Variants in ALDH7A1 observed in about 807,000 individuals in gnomAD.
ALDH7A1 encodes alpha-aminoadipic semialdehyde dehydrogenase.
In ALDH7A1, 63 loss-of-function variants were observed where a neutral mutation model predicts 79.9. That is an observed-to-expected ratio of 0.79 (90% CI 0.64 to 0.97). ALDH7A1 has a LOEUF of 0.97. ALDH7A1 is among the 50% of genes least tolerant of loss of function. The probability of loss-of-function intolerance (pLI) is 0.00; values close to 1 mark genes in which losing one functional copy is unlikely to be tolerated. For synonymous variants in ALDH7A1, 240 were observed against 231.2 expected (o/e 1.04, Z -0.34); for missense variants, 627 against 665.2 (o/e 0.94, Z 0.63).
At chr5:126,594,727 T>G (rs936422278) in intron 1 of ALDH7A1, among the ~76,000 whole-genome samples, 1 of 152,000 alleles carries the variant, frequency 6.6e-6, no homozygotes, top group Non-Finnish European at 1.5e-5. Flanking sequence ...ATTACAGGGG[T>G]GAGCCACCGC....
intron 7 of ALDH7A1, among the ~76,000 whole-genome samples, chr5:126,575,208 T>C (rs547417626): frequency 5.3e-5 from 8 of 152,324 alleles, no homozygotes; most frequent in African/African-American, 1.9e-4. Context: ...TCAATCAATA[T>C]GTCAATATCT....
chr5:126,560,770 G>C (rs1183615153), intron 10 of ALDH7A1, among the ~76,000 whole-genome samples: 1 of 152,058 alleles, frequency 6.6e-6, no homozygotes, highest in Admixed American at 6.6e-5. Flanking sequence ...GAGAAATGTG[G>C]CCAGTTTTCA....
At chr5:126,563,690 C>T (rs1750476350) in intron 9 of ALDH7A1, among the ~76,000 whole-genome samples, 1 of 152,158 alleles carries the variant, frequency 6.6e-6, no homozygotes, top group Non-Finnish European at 1.5e-5. Context: ...GGGGTTTTGC[C>T]ATATTGGCCA....
At chr5:126,562,503 A>C (rs1480121399) in intron 9 of ALDH7A1, 1 of 151,312 alleles carries the variant, frequency 6.6e-6, no homozygotes, top group Non-Finnish European at 1.5e-5. Context: ...GAGCCACCAC[A>C]CCTGGCTTAT....
chr5:126,555,951 C>A lies in ALDH7A1; in HGVS notation c.1073G>T (p.Arg358Leu), dbSNP rs144671885. The A allele has an allele frequency of 9.3e-6, 15 of 1,613,150 alleles. No homozygotes were observed. The African/African-American group carries it at 1.6e-4, about 17-fold the overall frequency. ...CTCACGGTCCCATGGGTTCCCAACTCGGATCTGTGCATAGGCCTTTTTAAG... is the reference window on the plus strand; with the variant it reads ...CTCACGGTCCCATGGGTTCCCAACTAGGATCTGTGCATAGGCCTTTTTAAG... ...NRLKKAYAQI[R>L]VGNPWDPNVL... The change falls in exon 12 of 18, where the codon CGA (arginine) becomes CTA (leucine). Residue 358 changes from arginine to leucine, a missense_variant. Physicochemically the swap from Arg to Leu is moderately radical, Grantham distance 102 (BLOSUM62 -2). Coordinates refer to ENST00000409134, the MANE Select transcript of ALDH7A1 (RefSeq NM_001182.5).
intron 9 of ALDH7A1, chr5:126,562,186 GC>G (rs1214381082): frequency 6.9e-6 from 1 of 144,596 alleles, no homozygotes; most frequent in Non-Finnish European, 1.5e-5. Context: ...ATATCATGCA[GC>G]CTTTTTTTAT....
At chr5:126,545,154 T>A (rs1220502403) in intron 17 of ALDH7A1, 135 bp from the exon 18 acceptor site, 7 of 690,778 alleles carry the variant, frequency 1.0e-5, no homozygotes, top group Non-Finnish European at 1.8e-5. Context: ...AAGACAAACC[T>A]TTAAGATAAA....
intron 10 of ALDH7A1, among the ~76,000 whole-genome samples, chr5:126,560,628 T>C (rs1160314540): frequency 6.9e-6 from 1 of 144,270 alleles, no homozygotes; most frequent in Admixed American, 6.9e-5. Context: ...TATAGGTAAG[T>C]GATTTTTTTA....
chr5:126,561,407 C>A (rs1383643210), intron 9 of ALDH7A1: 5 of 234,330 alleles, frequency 2.1e-5, no homozygotes, highest in Non-Finnish European at 3.3e-5. Context: ...TTAGGAAACA[C>A]ACCAAAATAT....
chr5:126,577,373 A>G (rs1486879132), intron 5 of ALDH7A1, among the ~76,000 whole-genome samples, 162 bp from the exon 6 acceptor site: 1 of 152,224 alleles, frequency 6.6e-6, no homozygotes, highest in African/African-American at 2.4e-5. Context: ...AATGTACAAC[A>G]AAAGTGGTTA....
rs761295869 is a variant in ALDH7A1 at position 126,559,261 on chromosome 5, C to A, written c.987G>T (p.Arg329Ser). The change falls in exon 11 of 18, where the codon AGG (arginine) becomes AGT (serine). Residue 329 changes from arginine to serine, a missense_variant. Transcript: ENST00000409134. ...LFAAVGTAGQ[R>S]CTTARRLFIH... ...TCACCAGTCGCCTCGCAGTGGTACA[C>A]CTCTGGCCAGCTGTTCCCACAGCAG... is the stretch of plus-strand genomic sequence containing the variant. 5 of 1,613,978 alleles carry A rather than the reference C, an allele frequency of 3.1e-6. No homozygotes were observed. Among genetic ancestry groups the A allele is most frequent in the Non-Finnish European group, 4.2e-6 (5 of 1,179,872 alleles).
intron 1 of ALDH7A1, 74 bp from the exon 2 acceptor site, chr5:126,593,478 G>T (rs1164427662): frequency 4.4e-6 from 7 of 1,595,648 alleles, no homozygotes; most frequent in Non-Finnish European, 6.0e-6. Flanking sequence ...ACCAAACGGG[G>T]AAGAAAAACA....
chr5:126,567,481 T>C (rs1372464009), intron 9 of ALDH7A1, among the ~76,000 whole-genome samples: 1 of 151,774 alleles, frequency 6.6e-6, no homozygotes, highest in Non-Finnish European at 1.5e-5. Flanking sequence ...TTCATAACTT[T>C]TTTTTTTTTT....
chr5:126,585,332 T>C (rs913294940), intron 3 of ALDH7A1, among the ~76,000 whole-genome samples: 1 of 151,912 alleles, frequency 6.6e-6, no homozygotes, highest in Non-Finnish European at 1.5e-5. Context: ...AAAAGGAACA[T>C]TCCCCTCCAT....
intron 5 of ALDH7A1, among the ~76,000 whole-genome samples, chr5:126,578,339 A>G (rs776970213): frequency 9.9e-5 from 15 of 152,010 alleles, no homozygotes; most frequent in Non-Finnish European, 1.5e-4. Flanking sequence ...TACATTCACT[A>G]TAAGAAACTA....
rs140733452 is a variant in ALDH7A1 at position 126,576,033 on chromosome 5, G to A, written c.651-569C>T. ...TCCCAGCACTCTGGGGGGCCGAGAC[G>A]GGCGGATCACGAGGTCATGAGATTG... On this transcript the variant is annotated intron_variant, in intron 6 of 17. Transcript: ENST00000409134. Among the ~76,000 whole-genome samples the A allele has an allele frequency of 1.0e-3, 159 of 152,070 alleles. 3 individuals are homozygous for A. In the East Asian group the frequency reaches 0.023, roughly 22 times the overall value.
chr5:126,546,281 A>G, intron 17 of ALDH7A1, 43 bp downstream of exon 17: 2 of 1,570,890 alleles, frequency 1.3e-6, no homozygotes, highest in Middle Eastern at 3.3e-4. Flanking sequence ...CCCATTCCCA[A>G]GGGTTTTAAG....
At chr5:126,553,045 T>C (rs1204333260) in intron 13 of ALDH7A1, among the ~76,000 whole-genome samples, 5 of 152,212 alleles carry the variant, frequency 3.3e-5, no homozygotes, top group Admixed American at 6.5e-5. Flanking sequence ...CCTGGCAATA[T>C]GTGTTAATTT....
At chr5:126,582,802 C>T in intron 5 of ALDH7A1, 49 bp downstream of exon 5, 1 of 1,607,632 alleles carries the variant, frequency 6.2e-7, no homozygotes, top group Non-Finnish European at 8.5e-7. Flanking sequence ...TTTTTTGGAG[C>T]TCTGTATATC....
Sources: gnomAD v4.1 joint callset for allele counts (sites outside exome capture counted in the v4.1 genomes callset) on GRCh38, gnomAD v4.1.1 for gene constraint, MANE v1.5 for transcripts, NCBI Gene and HGNC (gene_info 2026-07-23, HGNC 2026-07-21) for gene names.